The following CHAF1A variants were observed in gnomAD, a reference collection of about 807,000 sequenced individuals.
The protein encoded by CHAF1A is chromatin assembly factor 1 subunit A, also known as CAF-1 subunit A.
A neutral mutation model predicts 93.2 loss-of-function variants in CHAF1A; 5 were observed. That is an observed-to-expected ratio of 0.05 (90% CI 0.03 to 0.11). The LOEUF (loss-of-function observed/expected upper bound fraction) is 0.11. Ranked by LOEUF, CHAF1A falls within the 10% of genes least tolerant of loss-of-function variation. The pLI is 1.00. For synonymous variants in CHAF1A, 504 were observed against 510.3 expected (o/e 0.99, Z 0.17); for missense variants, 1,102 against 1,259.9 (o/e 0.87, Z 1.90).
intron 12 of CHAF1A, among the ~76,000 whole-genome samples, chr19:4,432,813 C>T (rs915232595): frequency 2.0e-5 from 3 of 151,492 alleles, no homozygotes; most frequent in Non-Finnish European, 4.4e-5. Context: ...ACAAGGAGAG[C>T]AGGGCAGTCA....
intron 4 of CHAF1A, among the ~76,000 whole-genome samples, chr19:4,419,029 A>ATTTTTTTTTT (rs11406470): frequency 4.6e-3 from 441 of 96,450 alleles, no homozygotes; most frequent in African/African-American, 7.6e-3. Context: ...TAGCCAGCTA[A>ATTTTTTTTTT]TTTTTTTTTT....
At chr19:4,432,876 G>C (rs1006610177) in intron 12 of CHAF1A, among the ~76,000 whole-genome samples, 194 bp from the exon 13 acceptor site, 1 of 152,074 alleles carries the variant, frequency 6.6e-6, no homozygotes, top group Non-Finnish European at 1.5e-5. Context: ...ACACGTGCCC[G>C]GCCAAGGCTC....
At chr19:4,437,830 C>T (rs369467135) in intron 13 of CHAF1A, among the ~76,000 whole-genome samples, 1 of 152,138 alleles carries the variant, frequency 6.6e-6, no homozygotes, top group Admixed American at 6.5e-5. Flanking sequence ...AGCTCCACCT[C>T]CTGGGTTCAC....
At position 4,433,685 on chromosome 19, in the gene CHAF1A, C is replaced by G. The variant is rs1163664111; in HGVS notation, c.2673+146C>G. 1.7e-5 allele frequency: 11 copies of G among 650,864 alleles called. No homozygotes were observed. Among genetic ancestry groups the G allele is most frequent in the Admixed American group, 3.0e-5 (1 of 33,198 alleles). 40.3% of individuals were successfully genotyped at this position (650,864 alleles called of 1,614,324 possible). ...GCGCAATCTCAGCTCACTGCAACCTCCTCCCTCCTGGGTTCAAGTGATTCT... is the reference window on the plus strand; with the variant it reads ...GCGCAATCTCAGCTCACTGCAACCTGCTCCCTCCTGGGTTCAAGTGATTCT... On this transcript the variant is annotated intron_variant, in intron 13 of 14. Coordinates refer to ENST00000301280, the MANE Select transcript of CHAF1A (RefSeq NM_005483.3). The surrounding 1 kb of genome is among the most constrained non-coding windows in gnomAD (Gnocchi z 5.6).
rs767597286 is a variant in CHAF1A, at chr19:4,428,720, C to T, written c.1434C>T (p.Val478=). 5.6e-6 allele frequency: 9 copies of T among 1,614,082 alleles called. No homozygotes were observed. The South Asian group carries it at 6.6e-5, about 12-fold the overall frequency. ...FAPFEIKEHM[V]LAPRRRTAFH... ...CCTTTGAAATTAAAGAGCACATGGT[C>T]CTGGCCCCTCGGCGTCGGACCGCTT... is the stretch of plus-strand genomic sequence containing the variant. Residue 478 remains valine, a synonymous_variant, in exon 8 of 15, where the codon GTC becomes GTT. Transcript: ENST00000301280.
intron 1 of CHAF1A, among the ~76,000 whole-genome samples, chr19:4,405,098 T>G (rs1323463349): frequency 6.6e-6 from 1 of 152,214 alleles, no homozygotes; most frequent in African/African-American, 2.4e-5. Flanking sequence ...CTACTTTTAC[T>G]CATTCCACTT....
intron 13 of CHAF1A, 150 bp from the exon 14 acceptor site, chr19:4,442,095 T>A: frequency 1.6e-6 from 1 of 633,914 alleles, no homozygotes; most frequent in East Asian, 2.7e-5. Flanking sequence ...TTTGGACAGT[T>A]TGTTACCAAA....
At chr19:4,417,409 T>C (rs189815624) in intron 3 of CHAF1A, among the ~76,000 whole-genome samples, 1 of 151,042 alleles carries the variant, frequency 6.6e-6, no homozygotes, top group East Asian at 2.0e-4. Flanking sequence ...AGGTCCTCTC[T>C]CCTTTGCTAC....
chr19:4,419,029 A>ATTTTTTTTTTTTTTTTTTT (rs11406470), intron 4 of CHAF1A, among the ~76,000 whole-genome samples: 9 of 96,470 alleles, frequency 9.3e-5, no homozygotes, highest in East Asian at 3.1e-4. Context: ...TAGCCAGCTA[A>ATTTTTTTTTTTTTTTTTTT]TTTTTTTTTT....
intron 13 of CHAF1A, among the ~76,000 whole-genome samples, chr19:4,440,978 G>A (rs1419806454): frequency 2.0e-5 from 3 of 149,790 alleles, no homozygotes; most frequent in Non-Finnish European, 4.4e-5. Context: ...AGATTAGCTG[G>A]GCGTAGTGGC....
At chr19:4,415,885 C>G (rs1365124670) in intron 3 of CHAF1A, among the ~76,000 whole-genome samples, 1 of 152,144 alleles carries the variant, frequency 6.6e-6, no homozygotes, top group Non-Finnish European at 1.5e-5. Context: ...ATAAAGAAAT[C>G]ACTGTTGGCC....
chr19:4,444,367 A>G (rs1049766911), downstream of CHAF1A, among the ~76,000 whole-genome samples: 1 of 152,116 alleles, frequency 6.6e-6, no homozygotes, highest in African/African-American at 2.4e-5. Flanking sequence ...GGGCTGCTGT[A>G]CCACAAACCT....
At chr19:4,438,937 G>A (rs1290324645) in intron 13 of CHAF1A, among the ~76,000 whole-genome samples, 2 of 152,042 alleles carry the variant, frequency 1.3e-5, no homozygotes, top group African/African-American at 4.8e-5. Context: ...AGCCGAGATC[G>A]CGCCACTGCA....
In CHAF1A at chr19:4,409,053, T is replaced by C. The variant is rs367610752; in HGVS notation, c.254T>C (p.Ile85Thr). ...LENNCHVGSD[I>T]DFRPKLVNGK... ...AACAACTGTCATGTGGGTTCTGACA[T>C]AGACTTTAGACCGAAACTTGTCAAC... The change falls in exon 3 of 15, where the codon ATA becomes ACA. Residue 85 changes from isoleucine to threonine, a missense_variant. Ile to Thr is a moderately conservative substitution (Grantham distance 89). Around this residue, in one of 6 missense-constraint regions of CHAF1A, gnomAD observed 379 missense variants for 365.7 expected, o/e 1.04. Transcript: ENST00000301280. 6.2e-7 allele frequency: 1 copy of C among 1,614,072 alleles called. No homozygotes were observed. The highest frequency in any genetic ancestry group is 1.3e-5 in the African/African-American group (1 of 74,936).
At chr19:4,445,703 G>T (rs562890252), downstream of CHAF1A, 421 of 1,560,732 alleles carry the variant, frequency 2.7e-4, 3 homozygotes, top group African/African-American at 4.6e-3. Flanking sequence ...CAACCTGGGC[G>T]CGGGGATGCC....
At chr19:4,413,421 C>G (rs188032720) in intron 3 of CHAF1A, among the ~76,000 whole-genome samples, 3 of 152,282 alleles carry the variant, frequency 2.0e-5, no homozygotes, top group East Asian at 1.9e-4. Context: ...CCAAGCCACC[C>G]CCTTCCCACA....
At chr19:4,439,147 G>T (rs1184256734) in intron 13 of CHAF1A, among the ~76,000 whole-genome samples, 3 of 151,934 alleles carry the variant, frequency 2.0e-5, no homozygotes, top group African/African-American at 7.3e-5. Flanking sequence ...GAGCATGGTG[G>T]TGCACGCCTG....
chr19:4,407,256 A>C (rs1323948214), intron 2 of CHAF1A, among the ~76,000 whole-genome samples: 1 of 132,508 alleles, frequency 7.5e-6, no homozygotes, highest in African/African-American at 2.7e-5. Flanking sequence ...CCAAAAAAAA[A>C]CAGGTTTTTA....
chr19:4,419,029 ATTTTTT>A (rs11406470), intron 4 of CHAF1A, among the ~76,000 whole-genome samples: 26 of 96,446 alleles, frequency 2.7e-4, no homozygotes, highest in South Asian at 1.5e-3. Context: ...TAGCCAGCTA[ATTTTTT>A]TTTTTTTTTT....
Sources: allele counts gnomAD v4.1 joint callset (sites outside exome capture counted in the v4.1 genomes callset), GRCh38; gene constraint gnomAD v4.1.1; regional missense constraint gnomAD v4.1.1; non-coding constraint Gnocchi (gnomAD v3.1); transcripts MANE v1.5; gene names NCBI Gene and HGNC (gene_info 2026-07-23, HGNC 2026-07-21).